Variants in KAZN observed in about 807,000 individuals in gnomAD.
The protein encoded by KAZN is kazrin, periplakin interacting protein.
Under a neutral mutation model 87.4 loss-of-function variants are expected in KAZN, and 40 were observed. That is an observed-to-expected ratio of 0.46 (90% CI 0.36 to 0.60). The LOEUF is 0.60. KAZN is among the 20% of genes least tolerant of loss of function. The pLI is 0.00. For synonymous variants in KAZN, 466 were observed against 458.3 expected, an observed-to-expected ratio of 1.02 and a Z score of -0.22; for missense variants, 898 against 1,073.9, an observed-to-expected ratio of 0.84 and a Z score of 2.29.
At chr1:14,293,674 GA>G (rs111764330) in intron 2 of KAZN, among the ~76,000 whole-genome samples, 2,068 of 142,906 alleles carry the variant, frequency 0.014, 18 homozygotes, top group African/African-American at 0.023. Flanking sequence ...TAGGTGTACA[GA>G]AAAAAAAAAA....
intron 1 of KAZN, among the ~76,000 whole-genome samples, chr1:14,933,174 C>T (rs1370492485): frequency 6.6e-6 from 1 of 152,214 alleles, no homozygotes; most frequent in Non-Finnish European, 1.5e-5. Context: ...TCACCGCAAC[C>T]TCTGCCTCCT....
chr1:15,028,778 A>G (rs543715355), intron 2 of KAZN, among the ~76,000 whole-genome samples: 2 of 152,360 alleles, frequency 1.3e-5, no homozygotes, highest in South Asian at 4.1e-4. Flanking sequence ...AGAGGTGGGC[A>G]GAGCGAGGAG....
chr1:14,892,027 C>G (rs931427494), intron 1 of KAZN, among the ~76,000 whole-genome samples: 1 of 152,044 alleles, frequency 6.6e-6, no homozygotes, highest in Non-Finnish European at 1.5e-5. Flanking sequence ...GTTCAACATG[C>G]CCCCGTCCCT....
intron 1 of KAZN, among the ~76,000 whole-genome samples, chr1:14,802,325 A>G (rs1361469244): frequency 4.0e-5 from 6 of 149,942 alleles, no homozygotes; most frequent in South Asian, 4.2e-4. Flanking sequence ...AACTGCTTGA[A>G]CCCGGGAAGC....
intron 2 of KAZN, among the ~76,000 whole-genome samples, chr1:14,985,467 C>T (rs1572986813): frequency 2.0e-5 from 3 of 148,458 alleles, no homozygotes; most frequent in Non-Finnish European, 3.0e-5. Context: ...GAGGCCAAGG[C>T]TGCAGTGAGC....
intron 1 of KAZN, among the ~76,000 whole-genome samples, chr1:14,602,012 T>C (rs979586678): frequency 4.6e-5 from 7 of 152,234 alleles, no homozygotes; most frequent in Non-Finnish European, 1.0e-4. Flanking sequence ...TTTTTGTTTT[T>C]TAAATTCTTT....
intron 1 of KAZN, among the ~76,000 whole-genome samples, chr1:14,904,118 C>T (rs1656226363): frequency 6.6e-6 from 1 of 152,148 alleles, no homozygotes; most frequent in Admixed American, 6.5e-5. Flanking sequence ...GACTCACGTT[C>T]CAACCTCAGC....
At chr1:14,160,808 G>A (rs1645694282) in intron 1 of KAZN, among the ~76,000 whole-genome samples, 1 of 152,068 alleles carries the variant, frequency 6.6e-6, no homozygotes, top group African/African-American at 2.4e-5. Flanking sequence ...CTTGGTAGGT[G>A]GGTGACTGTT....
At chr1:14,838,627 T>C (rs1420640466) in intron 1 of KAZN, among the ~76,000 whole-genome samples, 1 of 152,124 alleles carries the variant, frequency 6.6e-6, no homozygotes, top group Admixed American at 6.5e-5. Context: ...TTTTTGTTTG[T>C]GAGGGGAAGG....
At chr1:14,631,755 A>G (rs1679582737) in intron 1 of KAZN, among the ~76,000 whole-genome samples, 1 of 152,264 alleles carries the variant, frequency 6.6e-6, no homozygotes, top group Non-Finnish European at 1.5e-5. Flanking sequence ...AGTGATGAAC[A>G]TCCCCAGGTA....
intron 1 of KAZN, among the ~76,000 whole-genome samples, chr1:14,951,633 C>T (rs894131240): frequency 2.7e-5 from 4 of 150,246 alleles, no homozygotes; most frequent in African/African-American, 1.0e-4. Flanking sequence ...GCCGCTACCA[C>T]ACCTGACTAA....
At chr1:13,937,625 C>T (rs1367689956) in intron 1 of KAZN, among the ~76,000 whole-genome samples, 1 of 152,098 alleles carries the variant, frequency 6.6e-6, no homozygotes, top group Non-Finnish European at 1.5e-5. Context: ...AAGAGATTTT[C>T]CTAGGTTTTC....
intron 1 of KAZN, among the ~76,000 whole-genome samples, chr1:14,846,485 G>C (rs896146942): frequency 3.9e-5 from 6 of 152,084 alleles, no homozygotes; most frequent in Admixed American, 2.0e-4. Context: ...GCTTTCAACA[G>C]ACCGTGAGAT....
intron 1 of KAZN, among the ~76,000 whole-genome samples, chr1:14,872,995 GATAC>G (rs1376153609): frequency 7.9e-6 from 1 of 126,994 alleles, no homozygotes; most frequent in Non-Finnish European, 1.7e-5. Flanking sequence ...CATATAGAAG[GATAC>G]ATGGATGGAT....
At chr1:14,539,197 T>C (rs532317021) in intron 2 of KAZN, among the ~76,000 whole-genome samples, 9 of 152,254 alleles carry the variant, frequency 5.9e-5, no homozygotes, top group African/African-American at 1.9e-4. Context: ...ATAAAGTCAA[T>C]GAAAGTGATG....
intron 13 of KAZN, 65 bp from the exon 14 acceptor site, chr1:15,112,361 GT>G: frequency 1.7e-6 from 1 of 604,574 alleles, no homozygotes; most frequent in Admixed American, 2.4e-5. Flanking sequence ...GTGTGTGTGT[GT>G]GTGTGTGTGT....
intron 1 of KAZN, among the ~76,000 whole-genome samples, chr1:14,762,682 G>A (rs1218842703): frequency 2.0e-5 from 3 of 151,550 alleles, no homozygotes; most frequent in Non-Finnish European, 2.9e-5. Flanking sequence ...CTGAGATCGC[G>A]CCACTGCACT....
intron 3 of KAZN, among the ~76,000 whole-genome samples, chr1:15,043,469 A>G (rs1573158249): frequency 1.3e-5 from 2 of 152,082 alleles, no homozygotes; most frequent in Admixed American, 1.3e-4. Context: ...GTCATTTGCC[A>G]ACTTACTCAT....
At chr1:14,709,766 C>A (rs1642391477) in intron 1 of KAZN, among the ~76,000 whole-genome samples, 1 of 152,186 alleles carries the variant, frequency 6.6e-6, no homozygotes, top group Admixed American at 6.5e-5. Flanking sequence ...AGACAAATGA[C>A]ACCTGAGGTC....
Sources: allele counts gnomAD v4.1 joint callset (sites outside exome capture counted in the v4.1 genomes callset), GRCh38; gene constraint gnomAD v4.1.1; transcripts MANE v1.5; gene names NCBI Gene and HGNC (gene_info 2026-07-23, HGNC 2026-07-21).